SKIC3: variants seen among roughly 807,000 people sequenced by gnomAD.
The protein encoded by SKIC3 is superkiller complex protein 3.
At chr5:95,506,484 T>C in the SKIC3 span, among the ~76,000 whole-genome samples, 2 of 152,160 alleles carry the variant, frequency 1.3e-5, no homozygotes, top group Admixed American at 1.3e-4. Context: ...TTTTTAGAGT[T>C]AGAAGTCTCT....
the SKIC3 span, among the ~76,000 whole-genome samples, chr5:95,545,954 C>T: frequency 1.3e-5 from 2 of 152,152 alleles, no homozygotes; most frequent in Non-Finnish European, 1.5e-5. Flanking sequence ...CTAACCGTCC[C>T]AGTTCAATTA....
chr5:95,527,600 A>G, the SKIC3 span, among the ~76,000 whole-genome samples: 4 of 152,352 alleles, frequency 2.6e-5, no homozygotes, highest in East Asian at 7.7e-4. Flanking sequence ...ATTATGAAAT[A>G]TGAATCTTTC....
the SKIC3 span, chr5:95,515,070 G>A: frequency 5.4e-6 from 4 of 739,904 alleles, no homozygotes; most frequent in East Asian, 1.2e-4. Context: ...AATTAGCAAT[G>A]CTTAAAGCAG....
At chr5:95,518,301 T>G in the SKIC3 span, among the ~76,000 whole-genome samples, 1 of 152,112 alleles carries the variant, frequency 6.6e-6, no homozygotes, top group Non-Finnish European at 1.5e-5. Context: ...ATTTATAATT[T>G]CTTTGTGTTA....
the SKIC3 span, among the ~76,000 whole-genome samples, chr5:95,531,983 A>G: frequency 6.6e-6 from 1 of 152,108 alleles, no homozygotes; most frequent in East Asian, 1.9e-4. Flanking sequence ...GCTGAAAATT[A>G]CTACAAAAAA....
chr5:95,504,657 A>G, the SKIC3 span, among the ~76,000 whole-genome samples: 13 of 151,906 alleles, frequency 8.6e-5, no homozygotes, highest in African/African-American at 3.1e-4. Context: ...TTTGGAGGGC[A>G]TACAGATACA....
chr5:95,544,757 T>TGC, the SKIC3 span, among the ~76,000 whole-genome samples: 111 of 152,332 alleles, frequency 7.3e-4, no homozygotes, highest in Middle Eastern at 3.4e-3. Context: ...GACCAGGTTT[T>TGC]CAGAATCCAA....
the SKIC3 span, among the ~76,000 whole-genome samples, chr5:95,518,276 T>C: frequency 6.6e-6 from 1 of 152,092 alleles, no homozygotes; most frequent in African/African-American, 2.4e-5. Context: ...AATTAGCATA[T>C]TAATCATCTC....
the SKIC3 span, among the ~76,000 whole-genome samples, chr5:95,483,012 T>C: frequency 3.9e-5 from 6 of 152,182 alleles, no homozygotes; most frequent in East Asian, 1.2e-3. Flanking sequence ...CTATACTATG[T>C]AAGAAGAAAA....
chr5:95,513,283 C>T, the SKIC3 span: 1 of 390,616 alleles, frequency 2.6e-6, no homozygotes, highest in South Asian at 2.6e-5. Context: ...TCATAGCTCA[C>T]TGTATCCTGA....
chr5:95,508,437 T>C, the SKIC3 span, among the ~76,000 whole-genome samples: 4 of 152,226 alleles, frequency 2.6e-5, no homozygotes, highest in Non-Finnish European at 4.4e-5. Context: ...TGTAGCACAC[T>C]GGCTTTCTTA....
the SKIC3 span, chr5:95,495,101 C>A: frequency 7.6e-7 from 1 of 1,323,660 alleles, no homozygotes; most frequent in East Asian, 2.3e-5. Flanking sequence ...GACCTTTCCA[C>A]TAAATCACTG....
the SKIC3 span, chr5:95,517,247 G>A: frequency 1.4e-5 from 22 of 1,613,134 alleles, no homozygotes; most frequent in African/African-American, 1.6e-4. Context: ...TAGATGGTGC[G>A]ACAGCATACA....
chr5:95,475,676 T>C, the SKIC3 span, among the ~76,000 whole-genome samples: 208 of 152,254 alleles, frequency 1.4e-3, no homozygotes, highest in African/African-American at 4.9e-3. Context: ...ATAAATTGAG[T>C]ATAGTCAGTT....
At chr5:95,540,459 T>C in the SKIC3 span, among the ~76,000 whole-genome samples, 1 of 149,010 alleles carries the variant, frequency 6.7e-6, no homozygotes, top group Non-Finnish European at 1.5e-5. Context: ...AAATTAAAAA[T>C]TAAAAAAAAA....
chr5:95,546,001 G>A, the SKIC3 span, among the ~76,000 whole-genome samples: 183 of 152,082 alleles, frequency 1.2e-3, no homozygotes, highest in African/African-American at 4.3e-3. Flanking sequence ...TTTAACCTTT[G>A]GTTTCTCTAA....
chr5:95,497,992 TTCC>T, the SKIC3 span, among the ~76,000 whole-genome samples: 1 of 152,206 alleles, frequency 6.6e-6, no homozygotes, highest in Non-Finnish European at 1.5e-5. Context: ...TAATGACAGC[TTCC>T]TTTTATTAAA....
chr5:95,473,803 G>A, the SKIC3 span, among the ~76,000 whole-genome samples: 1 of 152,092 alleles, frequency 6.6e-6, no homozygotes, highest in African/African-American at 2.4e-5. Flanking sequence ...ATTGATTCTG[G>A]ATATTAGATC....
the SKIC3 span, among the ~76,000 whole-genome samples, chr5:95,537,391 G>A: frequency 1.3e-5 from 2 of 152,248 alleles, no homozygotes; most frequent in East Asian, 1.9e-4. Flanking sequence ...TTAACAAAAC[G>A]CACTTCCAAG....
Sources: gnomAD v4.1 joint callset for allele counts (sites outside exome capture counted in the v4.1 genomes callset) on GRCh38, gnomAD v4.1.1 for gene constraint, MANE v1.5 for transcripts, NCBI Gene and HGNC (gene_info 2026-07-23, HGNC 2026-07-21) for gene names.